DNM1L: variants seen among roughly 807,000 people sequenced by gnomAD.
The protein encoded by DNM1L is dynamin-1-like protein.
A neutral mutation model predicts 92.8 loss-of-function variants in DNM1L; 33 were observed. The observed-to-expected ratio is 0.36, with a 90% CI of 0.27 to 0.48. DNM1L has a LOEUF of 0.48. DNM1L is among the 20% of genes least tolerant of loss of function. DNM1L has a pLI of 0.99. For synonymous variants in DNM1L, 284 were observed against 305.0 expected (o/e 0.93, Z 0.72); for missense variants, 485 against 888.8 (o/e 0.55, Z 5.78).
chr12:32,738,390 G>A (rs904485871), intron 16 of DNM1L, 94 bp downstream of exon 16: 2 of 1,326,312 alleles, frequency 1.5e-6, no homozygotes, highest in Admixed American at 3.4e-5. Context: ...TTGTGTAGTG[G>A]TATCTATCTC....
At chr12:32,715,558 C>A (rs796322287) in intron 6 of DNM1L, among the ~76,000 whole-genome samples, 46 of 151,928 alleles carry the variant, frequency 3.0e-4, no homozygotes, top group African/African-American at 1.1e-3. Context: ...CATGGTGAAA[C>A]CCCATCTCTC....
At chr12:32,733,642 T>TTA in intron 12 of DNM1L, 73 bp from the exon 13 acceptor site, 1 of 1,260,730 alleles carries the variant, frequency 7.9e-7, no homozygotes, top group Admixed American at 1.7e-5. Flanking sequence ...TTCATAAGTT[T>TTA]TATATATAAA....
At chr12:32,742,830 A>G (rs886723312) in intron 19 of DNM1L, 82 bp downstream of exon 19, 5 of 1,391,310 alleles carry the variant, frequency 3.6e-6, no homozygotes, top group Non-Finnish European at 4.9e-6. Context: ...TGATTCTTGG[A>G]TATGTATAGT....
chr12:32,708,003 C>T (rs1952991649), intron 3 of DNM1L, 150 bp from the exon 4 acceptor site: 2 of 538,956 alleles, frequency 3.7e-6, no homozygotes, highest in African/African-American at 2.0e-5. Flanking sequence ...ACTATAAATC[C>T]TTAGCTCAGA....
chr12:32,740,294 A>T (rs571029074), intron 17 of DNM1L, 54 bp downstream of exon 17: 2 of 1,613,348 alleles, frequency 1.2e-6, no homozygotes, highest in South Asian at 2.2e-5. Flanking sequence ...AGTTAGTAGG[A>T]AAACGATTAG....
rs1032020686 is a variant in DNM1L at position 32,731,295 on chromosome 12, T to C, written c.1201-61T>C. The C allele has an allele frequency of 6.2e-7, 1 of 1,607,546 alleles. No individual in the cohort carries two copies. The highest frequency in any genetic ancestry group is 1.7e-5 in the Admixed American group (1 of 59,282). On this transcript the variant is annotated intron_variant, in intron 10 of 19. Transcript: ENST00000549701. The surrounding 1 kb of genome is among the most constrained non-coding windows in gnomAD (Gnocchi z 5.1). Reference sequence around the variant, plus strand: ...AAAAGTACCAAAAATGTGACTTTCTTAACCCTTGGGAAGAACTGAAATTAC... The same window carrying C: ...AAAAGTACCAAAAATGTGACTTTCTCAACCCTTGGGAAGAACTGAAATTAC...
At chr12:32,698,668 A>G (rs1404737385) in intron 1 of DNM1L, among the ~76,000 whole-genome samples, 1 of 151,870 alleles carries the variant, frequency 6.6e-6, no homozygotes, top group Non-Finnish European at 1.5e-5. Context: ...TGACTAAGAA[A>G]AAAATAGAGT....
intron 1 of DNM1L, among the ~76,000 whole-genome samples, chr12:32,683,838 C>T (rs774336280): frequency 2.6e-5 from 4 of 152,026 alleles, no homozygotes; most frequent in Non-Finnish European, 2.9e-5. Context: ...CCACTGTGCT[C>T]GGCCTAATTT....
intron 1 of DNM1L, among the ~76,000 whole-genome samples, chr12:32,692,050 GAA>G (rs1393074563): frequency 1.3e-5 from 2 of 152,120 alleles, no homozygotes; most frequent in Non-Finnish European, 1.5e-5. Context: ...ACTGCATGGA[GAA>G]ATGTTTAATA....
chr12:32,703,604 CAT>C (rs1247150901), intron 2 of DNM1L, among the ~76,000 whole-genome samples: 2 of 90,358 alleles, frequency 2.2e-5, no homozygotes, highest in Admixed American at 2.2e-4. Flanking sequence ...AGGGAAGAAA[CAT>C]AAACTTTCAA....
At chr12:32,724,048 G>A (rs905232545) in intron 9 of DNM1L, among the ~76,000 whole-genome samples, 6 of 152,032 alleles carry the variant, frequency 3.9e-5, no homozygotes, top group Non-Finnish European at 7.3e-5. Flanking sequence ...GTCCACCCTC[G>A]CCATCGTCAA....
chr12:32,686,045 C>CTTTTTTTTTT lies in DNM1L; in HGVS notation c.102+6593_102+6602dup, dbSNP rs972264615. Among the ~76,000 whole-genome samples the CTTTTTTTTTT allele has an allele frequency of 2.3e-4, 19 of 82,690 alleles. 2 individuals are homozygous for CTTTTTTTTTT. Among genetic ancestry groups the CTTTTTTTTTT allele is most frequent in the African/African-American group, 8.4e-4 (14 of 16,638 alleles). 54.2% of individuals were successfully genotyped at this position (82,690 alleles called of 152,430 possible). On this transcript the variant is annotated intron_variant, in intron 1 of 19. Coordinates refer to ENST00000549701, the MANE Select transcript of DNM1L (RefSeq NM_012062.5). ...GAAATTTGCAGAACATAAAATTAGC[C>CTTTTTTTTTT]TTTTTTTTTTTTTTTTTTTTTTGAG...
Position 32,731,190 on chromosome 12 carries a change from A to G in DNM1L, c.1200+56A>G. On this transcript the variant is annotated intron_variant, in intron 10 of 19. Transcript: ENST00000549701. This position sits in a 1 kb window ranked among gnomAD's most constrained non-coding sequence, Gnocchi z 5.1. ...AAAAAATGAGGTTAAAGTTTTTCTT[A>G]CCCATATACTGTGTCTTTTTAAATT... is the stretch of plus-strand genomic sequence containing the variant. 6.2e-7 allele frequency: 1 copy of G among 1,609,782 alleles called. No individual in the cohort carries two copies. The highest frequency in any genetic ancestry group is 1.7e-5 in the Admixed American group (1 of 59,868).
rs368831854 is a variant in DNM1L at position 32,714,334 on chromosome 12, G to A, written c.619+963G>A. On this transcript the variant is annotated intron_variant, in intron 6 of 19. Transcript: ENST00000549701. ...ATCTCCCAGGCTGGAGTGCAGTGGC[G>A]CGATCTCGGTTCACTGCAAGCTCTG... Among the ~76,000 whole-genome samples, 386 of 148,300 alleles carry A rather than the reference G, an allele frequency of 2.6e-3. 3 individuals are homozygous for A. Among genetic ancestry groups the A allele is most frequent in the African/African-American group, 8.8e-3 (354 of 40,020 alleles).
At chr12:32,702,018 G>A (rs1480448061) in intron 2 of DNM1L, among the ~76,000 whole-genome samples, 4 of 149,318 alleles carry the variant, frequency 2.7e-5, no homozygotes, top group African/African-American at 2.5e-5. Context: ...GGTGGATCAC[G>A]AGGTCAGAAG....
Position 32,713,261 on chromosome 12 carries a change from T to G in DNM1L, c.509T>G (p.Ile170Ser). 1 of 1,613,984 alleles carries G rather than the reference T, an allele frequency of 6.2e-7. No individual in the cohort carries two copies. The highest frequency in any genetic ancestry group is 8.5e-7 in the Non-Finnish European group (1 of 1,179,930). The change falls in exon 6 of 20, where the codon ATT becomes AGT. Residue 170 changes from isoleucine to serine, a missense_variant. Ile to Ser is a moderately radical substitution (Grantham distance 142, BLOSUM62 -2). This residue lies in a region of DNM1L where 159 missense variants were observed against 275.9 expected (regional missense o/e 0.58). Transcript: ENST00000549701. ...KDIELQIRELILRFISNPNSI... is the reference protein window; with the variant it reads ...KDIELQIRELSLRFISNPNSI... The stretch of plus-strand genomic sequence containing the variant: ...ATTGAGCTTCAAATCAGAGAGCTCA[T>G]TCTTCGGTTCATCAGTAATCCTAAT...
intron 13 of DNM1L, among the ~76,000 whole-genome samples, chr12:32,735,497 T>G (rs552110983): frequency 2.0e-5 from 3 of 152,170 alleles, no homozygotes; most frequent in African/African-American, 7.2e-5. Context: ...ATCTATACTT[T>G]TATTATCTGT....
At chr12:32,706,117 A>G (rs1952916689) in intron 2 of DNM1L, 1 of 377,912 alleles carries the variant, frequency 2.6e-6, no homozygotes, top group African/African-American at 2.1e-5. Context: ...TTTAAATATA[A>G]TAAGATAAAT....
At chr12:32,683,266 C>G (rs1229166229) in intron 1 of DNM1L, among the ~76,000 whole-genome samples, 2 of 152,152 alleles carry the variant, frequency 1.3e-5, no homozygotes, top group Non-Finnish European at 2.9e-5. Flanking sequence ...CTCTTTCACC[C>G]AGGCTGGAGT....
Sources: allele counts gnomAD v4.1 joint callset (sites outside exome capture counted in the v4.1 genomes callset), GRCh38; gene constraint gnomAD v4.1.1; regional missense constraint gnomAD v4.1.1; non-coding constraint Gnocchi (gnomAD v3.1); transcripts MANE v1.5; gene names NCBI Gene and HGNC (gene_info 2026-07-23, HGNC 2026-07-21).